ARHGAP32: variants seen among roughly 807,000 people sequenced by gnomAD.
The protein encoded by ARHGAP32 is rho GTPase-activating protein 32.
Under a neutral mutation model 186.5 loss-of-function variants are expected in ARHGAP32, and 51 were observed. The ratio of observed to expected loss-of-function variants is 0.27; its 90% confidence interval spans 0.22 to 0.35. ARHGAP32 has a LOEUF of 0.35. Among genes scored for constraint, ARHGAP32 ranks in the 10% least tolerant of loss-of-function variants. ARHGAP32 has a pLI of 1.00. For synonymous variants in ARHGAP32, 950 were observed against 964.3 expected (o/e 0.99, Z 0.27); for missense variants, 2,186 against 2,623.5 (o/e 0.83, Z 3.64).
chr11:128,988,073 C>T lies in ARHGAP32; in HGVS notation c.1248G>A (p.Val416=), dbSNP rs771390396. ...CTAFIERYGI[V]DGIYRLSGVA... ...CACCAGAAAGGCGATAGATTCCATCCACGATGCCATATCTCTCAATGAATG... is the reference window on the plus strand; with the variant it reads ...CACCAGAAAGGCGATAGATTCCATCTACGATGCCATATCTCTCAATGAATG... The change falls in exon 13 of 23, where the codon GTG becomes GTA. Residue 416 remains valine, a synonymous_variant. Transcript: ENST00000682385. 1 of 1,613,424 alleles carries T rather than the reference C, an allele frequency of 6.2e-7. No individual in the cohort carries two copies. Among genetic ancestry groups the T allele is most frequent in the Non-Finnish European group, 8.5e-7 (1 of 1,179,610 alleles).
chr11:129,160,545 G>C (rs991484793), intron 2 of ARHGAP32, among the ~76,000 whole-genome samples: 1 of 152,010 alleles, frequency 6.6e-6, no homozygotes, highest in South Asian at 2.1e-4. Flanking sequence ...AAAATACCTA[G>C]GATGATGATA....
rs182352898 is a variant in ARHGAP32 at position 129,012,478 on chromosome 11, A to T, written c.1046-14010T>A. Among the ~76,000 whole-genome samples, 17 of 152,292 alleles carry T rather than the reference A, an allele frequency of 1.1e-4. 1 individual carries two copies. The East Asian group carries it at 3.3e-3, about 29-fold the overall frequency. On this transcript the variant is annotated intron_variant, in intron 11 of 22. Transcript: ENST00000682385. ...TGGTCTCAGATCTTGGGTGCTAAAT[A>T]AAATTCCTTATCAAAACAAACCCAG...
At chr11:129,210,747 G>A (rs1944569451) in intron 1 of ARHGAP32, among the ~76,000 whole-genome samples, 1 of 152,176 alleles carries the variant, frequency 6.6e-6, no homozygotes, top group African/African-American at 2.4e-5. Context: ...CACTAACCAA[G>A]TATGATCTTT....
chr11:129,024,041 C>G (rs918668366), intron 11 of ARHGAP32: 2 of 985,402 alleles, frequency 2.0e-6, no homozygotes, highest in Admixed American at 6.1e-5. Context: ...TCCCACATCA[C>G]TGCCGGGTTC....
chr11:129,235,300 G>T (rs1447978550), intron 1 of ARHGAP32, among the ~76,000 whole-genome samples: 1 of 152,024 alleles, frequency 6.6e-6, no homozygotes, highest in Non-Finnish European at 1.5e-5. Context: ...GCTCTACCTG[G>T]TCTAGAATTT....
chr11:129,081,477 A>G (rs867018344), intron 6 of ARHGAP32, among the ~76,000 whole-genome samples: 2 of 152,200 alleles, frequency 1.3e-5, no homozygotes, highest in South Asian at 2.1e-4. Flanking sequence ...CAATAAATGT[A>G]ATACACAACA....
chr11:129,168,222 G>A (rs1272287534), intron 1 of ARHGAP32, among the ~76,000 whole-genome samples: 1 of 152,108 alleles, frequency 6.6e-6, no homozygotes, highest in African/African-American at 2.4e-5. Flanking sequence ...CTCCAGCCTG[G>A]GTGACAGAAA....
chr11:129,272,202 A>C (rs1945481649), intron 1 of ARHGAP32, among the ~76,000 whole-genome samples: 1 of 152,338 alleles, frequency 6.6e-6, no homozygotes, highest in Non-Finnish European at 1.5e-5. Context: ...TATTCATTTA[A>C]GGCATCAGTA....
chr11:129,237,258 T>G (rs565390989), intron 1 of ARHGAP32, among the ~76,000 whole-genome samples: 1 of 152,300 alleles, frequency 6.6e-6, no homozygotes, highest in East Asian at 1.9e-4. Flanking sequence ...CCTACACAGA[T>G]CAAAATAAAT....
chr11:129,109,062 T>A (rs1364514704), intron 5 of ARHGAP32, among the ~76,000 whole-genome samples: 1 of 152,146 alleles, frequency 6.6e-6, no homozygotes, highest in Non-Finnish European at 1.5e-5. Flanking sequence ...AACTTCTTCA[T>A]CATGTTGCCC....
chr11:129,023,750 G>A (rs912718755), intron 11 of ARHGAP32: 5 of 265,224 alleles, frequency 1.9e-5, no homozygotes, highest in Non-Finnish European at 2.9e-5. Context: ...TTACCTAAGA[G>A]AGCAACCAAG....
chr11:129,242,796 A>G (rs1945036722), intron 1 of ARHGAP32, among the ~76,000 whole-genome samples: 1 of 152,030 alleles, frequency 6.6e-6, no homozygotes, highest in Non-Finnish European at 1.5e-5. Context: ...CTAGGTAGTA[A>G]GATTTTTTTT....
chr11:129,062,085 G>C (rs759748632), intron 10 of ARHGAP32, among the ~76,000 whole-genome samples, 195 bp downstream of exon 10: 8 of 152,090 alleles, frequency 5.3e-5, no homozygotes, highest in Non-Finnish European at 7.4e-5. Context: ...AGATGAAAAA[G>C]GAGATAAGAA....
At chr11:129,140,066 C>T (rs1943019938) in intron 2 of ARHGAP32, among the ~76,000 whole-genome samples, 1 of 152,128 alleles carries the variant, frequency 6.6e-6, no homozygotes, top group Non-Finnish European at 1.5e-5. Flanking sequence ...ATCACATGAG[C>T]ACTTCAAAAG....
chr11:129,172,980 C>T (rs1943801046), intron 1 of ARHGAP32, among the ~76,000 whole-genome samples: 1 of 133,704 alleles, frequency 7.5e-6, no homozygotes, highest in Admixed American at 7.9e-5. Context: ...CATGAAAAAC[C>T]CTCCAAAAAG....
intron 18 of ARHGAP32, among the ~76,000 whole-genome samples, chr11:128,979,148 T>A (rs568160667): frequency 3.3e-4 from 51 of 152,316 alleles, no homozygotes; most frequent in African/African-American, 1.1e-3. Flanking sequence ...AAGATCATTT[T>A]TATATATATC....
At position 129,098,479 on chromosome 11, in the gene ARHGAP32, C is replaced by T. The variant is rs113636908; in HGVS notation, c.445-4772G>A. Among the ~76,000 whole-genome samples the T allele has an allele frequency of 1.7e-4, 25 of 151,046 alleles. 1 individual carries two copies. Among genetic ancestry groups the T allele is most frequent in the African/African-American group, 5.8e-4 (24 of 41,088 alleles). ...CATCTCCCAGGCTGGAGTGCAGTGG[C>T]GCGATCTCGGCTCACTACAAGCTCT... On this transcript the variant is annotated intron_variant, in intron 5 of 22. Transcript: ENST00000682385.
At chr11:129,026,589 T>G (rs1311484703) in intron 11 of ARHGAP32, among the ~76,000 whole-genome samples, 1 of 143,810 alleles carries the variant, frequency 7.0e-6, no homozygotes, top group South Asian at 2.2e-4. Flanking sequence ...AGGTCAGGAG[T>G]TTGAGACCAG....
chr11:129,208,633 C>G (rs1047675833), intron 1 of ARHGAP32, among the ~76,000 whole-genome samples: 6 of 150,870 alleles, frequency 4.0e-5, no homozygotes, highest in African/African-American at 1.5e-4. Flanking sequence ...AACAACCGGA[C>G]AGTGGATGAC....
Sources: allele counts gnomAD v4.1 joint callset (sites outside exome capture counted in the v4.1 genomes callset), GRCh38; gene constraint gnomAD v4.1.1; transcripts MANE v1.5; gene names NCBI Gene and HGNC (gene_info 2026-07-23, HGNC 2026-07-21).